Variants in DSCAM observed in about 807,000 individuals in gnomAD.
The protein encoded by DSCAM is DS cell adhesion molecule, also known as cell adhesion molecule DSCAM.
Under a neutral mutation model 217.7 loss-of-function variants are expected in DSCAM, and 47 were observed. That is an observed-to-expected ratio of 0.22 (90% CI 0.17 to 0.28). The LOEUF (loss-of-function observed/expected upper bound fraction) is 0.28. Among genes scored for constraint, DSCAM ranks in the 10% least tolerant of loss-of-function variants. The pLI, the probability that DSCAM is intolerant of heterozygous loss-of-function variation, is 1.00. For missense variants in DSCAM, 2,080 were observed against 2,618.3 expected (o/e 0.79, Z 4.49); for synonymous variants, 1,056 against 1,015.3 (o/e 1.04, Z -0.76).
At chr21:40,356,921 T>G (rs912936188) in intron 4 of DSCAM, among the ~76,000 whole-genome samples, 2 of 152,244 alleles carry the variant, frequency 1.3e-5, no homozygotes, top group Non-Finnish European at 2.9e-5. Flanking sequence ...TGAAATGTCT[T>G]GGCTTTCTAT....
chr21:40,695,107 C>T (rs978699789), intron 2 of DSCAM, among the ~76,000 whole-genome samples: 4 of 152,118 alleles, frequency 2.6e-5, no homozygotes, highest in African/African-American at 2.4e-5. Context: ...CCAAACCTTC[C>T]GCAGACTCTG....
chr21:40,217,063 A>G (rs1454424842), intron 11 of DSCAM, among the ~76,000 whole-genome samples: 1 of 152,222 alleles, frequency 6.6e-6, no homozygotes, highest in Non-Finnish European at 1.5e-5. Context: ...TGGCTTTCTA[A>G]AAGAGAATAT....
chr21:40,834,825 T>C (rs2092044213), intron 1 of DSCAM, among the ~76,000 whole-genome samples: 1 of 152,212 alleles, frequency 6.6e-6, no homozygotes, highest in South Asian at 2.1e-4. Context: ...CCACTCTCAC[T>C]GAGCACATGT....
At chr21:40,044,355 C>T in intron 30 of DSCAM, 80 bp from the exon 31 acceptor site, 2 of 1,438,932 alleles carry the variant, frequency 1.4e-6, no homozygotes. Flanking sequence ...GTCAGTGCCA[C>T]CCACCCAGCA....
In DSCAM at chr21:40,312,454, G is replaced by A. The variant is rs993414260; in HGVS notation, c.1784-95C>T. The A allele has an allele frequency of 5.1e-6, 7 of 1,374,240 alleles. No individual in the cohort carries two copies. The African/African-American group carries it at 7.3e-5, about 14-fold the overall frequency. 85.1% of individuals were successfully genotyped at this position (1,374,240 alleles called of 1,614,324 possible). The stretch of plus-strand genomic sequence containing the variant: ...ACGGCACTGAAAGGGTAGTACAGAC[G>A]ATCATAGATACAGCATAGAAATACA... On this transcript the variant is annotated intron_variant, in intron 8 of 32. Coordinates refer to ENST00000400454, the MANE Select transcript of DSCAM (RefSeq NM_001389.5).
intron 3 of DSCAM, chr21:40,385,198 GAA>G (rs1219434828): frequency 6.6e-6 from 1 of 151,974 alleles, no homozygotes; most frequent in Non-Finnish European, 1.5e-5. Context: ...ATTTCTCATG[GAA>G]AAACTCACTT....
At chr21:40,136,050 G>A (rs918600363) in intron 18 of DSCAM, among the ~76,000 whole-genome samples, 4 of 152,212 alleles carry the variant, frequency 2.6e-5, no homozygotes, top group Non-Finnish European at 5.9e-5. Context: ...GCAGGGCGAG[G>A]ATGGCCCAAA....
chr21:40,398,975 C>G (rs2075208022), intron 3 of DSCAM, among the ~76,000 whole-genome samples: 1 of 152,138 alleles, frequency 6.6e-6, no homozygotes, highest in Admixed American at 6.5e-5. Flanking sequence ...ATGATTCAGC[C>G]AAATTGGGGT....
intron 4 of DSCAM, among the ~76,000 whole-genome samples, chr21:40,354,847 T>TA (rs2074674049): frequency 5.7e-4 from 24 of 42,336 alleles, no homozygotes; most frequent in African/African-American, 2.8e-3. Context: ...AAACTCTGTC[T>TA]CAAAAAAAAA....
At chr21:40,545,494 G>A (rs1414530227) in intron 3 of DSCAM, among the ~76,000 whole-genome samples, 1 of 152,096 alleles carries the variant, frequency 6.6e-6, no homozygotes, top group African/African-American at 2.4e-5. Flanking sequence ...TTCAGTCTGT[G>A]CTTTAATAGT....
At chr21:40,569,555 A>G (rs1362427364) in intron 3 of DSCAM, among the ~76,000 whole-genome samples, 2 of 152,160 alleles carry the variant, frequency 1.3e-5, no homozygotes, top group South Asian at 2.1e-4. Context: ...AGCCTGCCCT[A>G]CGGATTTCAG....
At chr21:40,829,815 C>A (rs577763163) in intron 1 of DSCAM, among the ~76,000 whole-genome samples, 1 of 152,272 alleles carries the variant, frequency 6.6e-6, no homozygotes, top group East Asian at 1.9e-4. Flanking sequence ...GGAGAGGCCA[C>A]AAGTGCTTGG....
intron 3 of DSCAM, among the ~76,000 whole-genome samples, chr21:40,632,022 T>C (rs73372804): frequency 0.16 from 24,045 of 152,250 alleles, 2,471 homozygotes; most frequent in African/African-American, 0.29. Flanking sequence ...TGTGAGAAGG[T>C]GCATTTGAAC....
chr21:40,746,921 A>G (rs962291250), intron 1 of DSCAM, among the ~76,000 whole-genome samples: 3 of 151,966 alleles, frequency 2.0e-5, no homozygotes, highest in Non-Finnish European at 4.4e-5. Context: ...AATGTTCAAA[A>G]CTGTAAAACT....
intron 11 of DSCAM, among the ~76,000 whole-genome samples, chr21:40,195,215 C>A (rs1183525764): frequency 6.6e-6 from 1 of 152,116 alleles, no homozygotes; most frequent in Non-Finnish European, 1.5e-5. Flanking sequence ...ATCAATAAAT[C>A]ACTGATATTA....
At chr21:40,759,847 C>A (rs1166274291) in intron 1 of DSCAM, among the ~76,000 whole-genome samples, 1 of 152,132 alleles carries the variant, frequency 6.6e-6, no homozygotes, top group African/African-American at 2.4e-5. Context: ...CATCACTGTC[C>A]CAGATGAAAA....
intron 28 of DSCAM, among the ~76,000 whole-genome samples, chr21:40,061,223 T>C (rs1305231872): frequency 6.6e-6 from 1 of 152,164 alleles, no homozygotes; most frequent in East Asian, 1.9e-4. Context: ...GCCTCTATCT[T>C]CCTAATCTTG....
intron 20 of DSCAM, among the ~76,000 whole-genome samples, chr21:40,105,904 C>T (rs117483705): frequency 0.058 from 8,854 of 152,242 alleles, 331 homozygotes; most frequent in East Asian, 0.097. Flanking sequence ...TGATGAATCA[C>T]ATTTATTGAT....
chr21:40,600,184 C>T (rs2077051821), intron 3 of DSCAM, among the ~76,000 whole-genome samples: 1 of 152,196 alleles, frequency 6.6e-6, no homozygotes, highest in Non-Finnish European at 1.5e-5. Flanking sequence ...TGAAGGAAGT[C>T]AAACTATCTT....
Sources: gnomAD v4.1 joint callset for allele counts (sites outside exome capture counted in the v4.1 genomes callset) on GRCh38, gnomAD v4.1.1 for gene constraint, MANE v1.5 for transcripts, NCBI Gene and HGNC (gene_info 2026-07-23, HGNC 2026-07-21) for gene names.